The following TENT4B variants were observed in gnomAD, a reference collection of about 807,000 sequenced individuals.
TENT4B encodes PAP associated domain containing 5.
In TENT4B, 10 loss-of-function variants were observed where a neutral mutation model predicts 75.0. The observed-to-expected ratio is 0.13, with a 90% CI of 0.08 to 0.23. TENT4B has a LOEUF of 0.23. Among genes scored for constraint, TENT4B ranks in the 10% least tolerant of loss-of-function variants. TENT4B has a pLI of 1.00. For missense variants in TENT4B, 579 were observed against 893.8 expected (o/e 0.65, Z 4.49); for synonymous variants, 350 against 357.7 (o/e 0.98, Z 0.24).
Position 50,174,532 on chromosome 16 carries a change from C to G in TENT4B, c.638+20273C>G, listed in dbSNP as rs773991590. On this transcript the variant is annotated intron_variant, in intron 1 of 11. Coordinates refer to ENST00000561678, the MANE Select transcript of TENT4B (RefSeq NM_001365324.3). ...TACATGCATACAATGTGGATCAAATCAAGGTAATTAGAGTATTACCTCAAA... is the reference window on the plus strand; with the variant it reads ...TACATGCATACAATGTGGATCAAATGAAGGTAATTAGAGTATTACCTCAAA... Among the ~76,000 whole-genome samples the G allele has an allele frequency of 3.8e-4, 58 of 152,276 alleles. No homozygotes were observed. The Middle Eastern group carries it at 0.01, about 27-fold the overall frequency.
chr16:50,195,104 C>G (rs762689100), intron 1 of TENT4B, among the ~76,000 whole-genome samples: 2 of 152,012 alleles, frequency 1.3e-5, no homozygotes, highest in Non-Finnish European at 2.9e-5. Context: ...AATTGATTTT[C>G]TATGTGATCT....
intron 1 of TENT4B, among the ~76,000 whole-genome samples, chr16:50,169,583 C>T (rs1392899868): frequency 6.6e-6 from 1 of 152,010 alleles, no homozygotes; most frequent in Non-Finnish European, 1.5e-5. Flanking sequence ...AGCTGGAATG[C>T]TTCTAAAAGG....
chr16:50,194,712 G>A (rs183845515), intron 1 of TENT4B, among the ~76,000 whole-genome samples: 8 of 149,136 alleles, frequency 5.4e-5, no homozygotes, highest in African/African-American at 2.0e-4. Flanking sequence ...ACAGTAGCTG[G>A]AACTACAGGC....
intron 1 of TENT4B, among the ~76,000 whole-genome samples, chr16:50,187,918 T>C (rs1169676672): frequency 2.0e-5 from 3 of 152,076 alleles, no homozygotes; most frequent in Non-Finnish European, 4.4e-5. Context: ...TTTAAACTTG[T>C]ATGCATTCTT....
intron 1 of TENT4B, among the ~76,000 whole-genome samples, chr16:50,178,142 C>CCT (rs762963607): frequency 8.6e-6 from 1 of 115,632 alleles, no homozygotes; most frequent in Non-Finnish European, 1.7e-5. Context: ...AGGTGGTCTA[C>CCT]TTTTTTTTTT....
intron 1 of TENT4B, among the ~76,000 whole-genome samples, chr16:50,207,747 G>C (rs2031062080): frequency 6.6e-6 from 1 of 152,104 alleles, no homozygotes; most frequent in Admixed American, 6.5e-5. Context: ...TGCTTTCAGA[G>C]GCATAAAATT....
At chr16:50,210,006 C>G (rs2031194030) in intron 1 of TENT4B, among the ~76,000 whole-genome samples, 1 of 152,154 alleles carries the variant, frequency 6.6e-6, no homozygotes, top group South Asian at 2.1e-4. Context: ...TCCTTCAAGG[C>G]TCTGTTAAGC....
intron 2 of TENT4B, 81 bp downstream of exon 2, chr16:50,211,527 A>G: frequency 7.1e-7 from 1 of 1,411,936 alleles, no homozygotes; most frequent in Non-Finnish European, 9.3e-7. Context: ...ATCTCATGCT[A>G]GTCCTCACAT....
At chr16:50,184,093 CT>C (rs1032071522) in intron 1 of TENT4B, among the ~76,000 whole-genome samples, 9 of 152,162 alleles carry the variant, frequency 5.9e-5, no homozygotes, top group African/African-American at 1.7e-4. Context: ...CATCAGAATA[CT>C]TTTTGTCTCC....
At chr16:50,172,979 C>T (rs554332859) in intron 1 of TENT4B, among the ~76,000 whole-genome samples, 15 of 152,148 alleles carry the variant, frequency 9.9e-5, no homozygotes, top group Middle Eastern at 3.4e-3. Context: ...GTCTCGCTCT[C>T]GCCCAGGCTG....
chr16:50,201,044 T>G (rs1314658485), intron 1 of TENT4B, among the ~76,000 whole-genome samples: 1 of 152,068 alleles, frequency 6.6e-6, no homozygotes, highest in Non-Finnish European at 1.5e-5. Flanking sequence ...CAGGCAATCT[T>G]CCAGCCCTCA....
chr16:50,215,197 A>C (rs2031487011), intron 3 of TENT4B, among the ~76,000 whole-genome samples: 1 of 152,204 alleles, frequency 6.6e-6, no homozygotes. Flanking sequence ...AAATTGTTTG[A>C]ACATTCCATC....
At chr16:50,219,628 T>G (rs1488805694) in intron 5 of TENT4B, among the ~76,000 whole-genome samples, 3 of 152,140 alleles carry the variant, frequency 2.0e-5, no homozygotes, top group Non-Finnish European at 4.4e-5. Flanking sequence ...TTCTGTTGGA[T>G]ATTTCCCTAA....
intron 1 of TENT4B, among the ~76,000 whole-genome samples, chr16:50,156,345 ATTTTT>A (rs11346495): frequency 7.1e-6 from 1 of 141,428 alleles, no homozygotes; most frequent in Admixed American, 7.1e-5. Context: ...ATGTATTCTG[ATTTTT>A]TTTTTTTTTT....
chr16:50,156,949 A>T (rs962651721), intron 1 of TENT4B, among the ~76,000 whole-genome samples: 4 of 152,154 alleles, frequency 2.6e-5, no homozygotes, highest in Admixed American at 1.3e-4. Flanking sequence ...ATGAGCCACC[A>T]TTCTCGCCAG....
At position 50,229,153 on chromosome 16, in the gene TENT4B, A is replaced by G. The variant is rs749083952; in HGVS notation, c.1967A>G (p.His656Arg). The change falls in exon 12 of 12, where the codon CAT (histidine) becomes CGT (arginine). Residue 656 changes from histidine to arginine, a missense_variant and splice_region_variant. His to Arg is a conservative substitution (Grantham distance 29). Around this residue, in one of 7 missense-constraint regions of TENT4B, gnomAD observed 164 missense variants for 226.5 expected, o/e 0.72. Transcript: ENST00000561678. ...NTSNSTNKSQHGSARLFRSSS... is the reference protein window; with the variant it reads ...NTSNSTNKSQRGSARLFRSSS... ...TGTGGTCGTTTTCTGTTTCTGCAGC[A>G]TGGATCAGCAAGGCTCTTTCGTTCT... 17 of 1,613,460 alleles carry G rather than the reference A, an allele frequency of 1.1e-5. No individual in the cohort carries two copies. The highest frequency in any genetic ancestry group is 6.7e-5 in the Admixed American group (4 of 59,918).
At chr16:50,218,918 T>G (rs1421835222) in intron 5 of TENT4B, among the ~76,000 whole-genome samples, 2 of 152,212 alleles carry the variant, frequency 1.3e-5, no homozygotes, top group African/African-American at 4.8e-5. Context: ...TGTTAGAATA[T>G]TCACAATTTT....
At chr16:50,187,276 T>C (rs1245757219) in intron 1 of TENT4B, among the ~76,000 whole-genome samples, 1 of 152,214 alleles carries the variant, frequency 6.6e-6, no homozygotes, top group Non-Finnish European at 1.5e-5. Flanking sequence ...AATTTTTGTA[T>C]ACAGTTTGAG....
intron 5 of TENT4B, among the ~76,000 whole-genome samples, chr16:50,220,853 C>G (rs1256311810): frequency 1.3e-5 from 2 of 152,126 alleles, no homozygotes; most frequent in Non-Finnish European, 2.9e-5. Context: ...ATACTTATTT[C>G]TCCATATTTT....
Sources: gnomAD v4.1 joint callset for allele counts (sites outside exome capture counted in the v4.1 genomes callset) on GRCh38, gnomAD v4.1.1 for gene constraint, gnomAD v4.1.1 regional missense constraint, MANE v1.5 for transcripts, NCBI Gene and HGNC (gene_info 2026-07-23, HGNC 2026-07-21) for gene names.